CTCF: variants seen among roughly 807,000 people sequenced by gnomAD.
CTCF encodes the protein transcriptional repressor CTCF.
CTCF carries 7 observed loss-of-function variants against 72.3 expected under a neutral mutation model. The observed-to-expected ratio is 0.10, with a 90% CI of 0.06 to 0.18. The LOEUF (loss-of-function observed/expected upper bound fraction) is 0.18. Ranked by LOEUF, CTCF falls within the 10% of genes least tolerant of loss-of-function variation. The pLI is 1.00. For missense variants in CTCF, 516 were observed against 949.1 expected, an observed-to-expected ratio of 0.54 and a Z score of 6.00; for synonymous variants, 374 against 315.8, an observed-to-expected ratio of 1.18 and a Z score of -1.95.
rs1414455390 is a variant in CTCF at position 67,637,807 on chromosome 16, G to A, written c.2119G>A (p.Ala707Thr). The change falls in exon 12 of 12, where the codon GCT becomes ACT. Residue 707 changes from alanine to threonine, a missense_variant. By Grantham distance (58) the Ala-to-Thr change is moderately conservative. Transcript: ENST00000264010. ...GGGAGAGGAAGAGGAGGCCCAGCCA[G>A]CTGCCACAGATGCCCCCAACGGAGA... ...AEGEEEEAQP[A>T]ATDAPNGDLT... 1.2e-6 allele frequency: 2 copies of A among 1,612,922 alleles called. No homozygotes were observed. Among genetic ancestry groups the A allele is most frequent in the Non-Finnish European group, 1.7e-6 (2 of 1,180,040 alleles).
At chr16:67,581,019 C>T (rs924469886) in intron 2 of CTCF, among the ~76,000 whole-genome samples, 1 of 152,134 alleles carries the variant, frequency 6.6e-6, no homozygotes, top group African/African-American at 2.4e-5. Context: ...AGCTCCACCT[C>T]CCGGGTTCAC....
intron 2 of CTCF, among the ~76,000 whole-genome samples, chr16:67,578,251 G>A (rs1286406345): frequency 6.6e-6 from 1 of 151,352 alleles, no homozygotes; most frequent in East Asian, 1.9e-4. Context: ...TTCCTCAGAG[G>A]CAATAAATAC....
intron 1 of CTCF, chr16:67,568,202 C>T (rs761960835): frequency 4.6e-5 from 7 of 151,710 alleles, no homozygotes; most frequent in Admixed American, 2.0e-4. Context: ...GCTTCAGCCT[C>T]GGGAGTAGTT....
intron 11 of CTCF, among the ~76,000 whole-genome samples, chr16:67,637,286 C>T (rs1259399966): frequency 6.6e-6 from 1 of 152,236 alleles, no homozygotes; most frequent in Admixed American, 6.5e-5. Flanking sequence ...GATCCCAGCA[C>T]TTTGGGGGGC....
chr16:67,573,652 TTTG>T (rs2051455758), intron 2 of CTCF, among the ~76,000 whole-genome samples: 1 of 152,176 alleles, frequency 6.6e-6, no homozygotes, highest in Admixed American at 6.6e-5. Flanking sequence ...TGCTCCTTAC[TTTG>T]TCCTTGTAGT....
chr16:67,619,595 G>A (rs2052176107), intron 5 of CTCF, among the ~76,000 whole-genome samples: 1 of 152,074 alleles, frequency 6.6e-6, no homozygotes. Flanking sequence ...GGGGGTGCGT[G>A]GCAGACAGGG....
chr16:67,636,669 G>C (rs1340761229), intron 10 of CTCF, 21 bp from the exon 11 acceptor site: 2 of 1,573,032 alleles, frequency 1.3e-6, no homozygotes, highest in Admixed American at 3.5e-5. Context: ...CACCACCTGT[G>C]CTTCCTGATT....
chr16:67,622,310 C>A (rs2052211455), intron 7 of CTCF, among the ~76,000 whole-genome samples: 1 of 151,396 alleles, frequency 6.6e-6, no homozygotes. Context: ...GAGCAGAGAT[C>A]ACGCCACCGC....
At chr16:67,631,165 G>GTTTTTTTTTTTTTTTTTTTTT (rs931210083) in intron 10 of CTCF, among the ~76,000 whole-genome samples, 1 of 131,128 alleles carries the variant, frequency 7.6e-6, no homozygotes, top group Non-Finnish European at 1.6e-5. Flanking sequence ...TTTTTTTTTT[G>GTTTTTTTTTTTTTTTTTTTTT]TTTTTTGTTT....
At chr16:67,573,898 G>C (rs900989905) in intron 2 of CTCF, among the ~76,000 whole-genome samples, 1 of 152,064 alleles carries the variant, frequency 6.6e-6, no homozygotes, top group Non-Finnish European at 1.5e-5. Context: ...GGGCGTTGTG[G>C]TGCGTGCCTG....
intron 2 of CTCF, among the ~76,000 whole-genome samples, chr16:67,579,223 A>T (rs8051135): frequency 0.036 from 5,513 of 152,222 alleles, 328 homozygotes; most frequent in African/African-American, 0.12. Flanking sequence ...ATTGCACTCC[A>T]GCCTGGGCAA....
intron 10 of CTCF, 108 bp downstream of exon 10, chr16:67,629,641 C>T (rs2052335851): frequency 9.2e-7 from 1 of 1,086,788 alleles, no homozygotes; most frequent in Non-Finnish European, 1.3e-6. Context: ...ACACACTCTT[C>T]CTTTCTTTAA....
intron 7 of CTCF, among the ~76,000 whole-genome samples, 171 bp downstream of exon 7, chr16:67,621,762 T>C (rs530099887): frequency 0.011 from 1,699 of 151,402 alleles, 20 homozygotes; most frequent in Non-Finnish European, 0.016. Context: ...TTTTTTTTTT[T>C]TTTTTCTATT....
At chr16:67,604,313 A>G (rs1446496908) in intron 2 of CTCF, among the ~76,000 whole-genome samples, 1 of 152,044 alleles carries the variant, frequency 6.6e-6, no homozygotes, top group East Asian at 1.9e-4. Context: ...TGTCTCAAGC[A>G]TAACAATTTT....
At position 67,603,927 on chromosome 16, in the gene CTCF, G is replaced by A. The variant is rs530063363; in HGVS notation, c.-9-6897G>A. Among the ~76,000 whole-genome samples, 14 of 151,244 alleles carry A rather than the reference G, an allele frequency of 9.3e-5. No individual in the cohort carries two copies. In the South Asian group the frequency reaches 1.0e-3, roughly 11 times the overall value. ...GCAGATGACTTGAGCCCAGGAGTTC[G>A]AGACCAGTCTGTGCAACATGGTGAA... On this transcript the variant is annotated intron_variant, in intron 2 of 11. Coordinates refer to ENST00000264010, the MANE Select transcript of CTCF (RefSeq NM_006565.4).
At chr16:67,636,419 G>A (rs369351880) in intron 10 of CTCF, among the ~76,000 whole-genome samples, 1 of 148,460 alleles carries the variant, frequency 6.7e-6, no homozygotes, top group African/African-American at 2.5e-5. Context: ...ATGGTGGTGC[G>A]TGCCTGTAGT....
chr16:67,576,781 C>T (rs1597682083), intron 2 of CTCF, among the ~76,000 whole-genome samples: 1 of 152,088 alleles, frequency 6.6e-6, no homozygotes, highest in African/African-American at 2.4e-5. Flanking sequence ...CCGCCTGCCT[C>T]TGCCTCCGAA....
chr16:67,582,421 G>A (rs2051595622), intron 2 of CTCF, among the ~76,000 whole-genome samples: 1 of 151,130 alleles, frequency 6.6e-6, no homozygotes, highest in African/African-American at 2.4e-5. Flanking sequence ...GGCCAGGCAG[G>A]GTGGCTCATG....
At chr16:67,636,953 G>A (rs2052439527) in intron 11 of CTCF, 102 bp downstream of exon 11, 9 of 1,130,740 alleles carry the variant, frequency 8.0e-6, no homozygotes, top group Non-Finnish European at 1.1e-5. Context: ...TAAGCCATGA[G>A]AACAAGTTAA....
Sources: gnomAD v4.1 joint callset for allele counts (sites outside exome capture counted in the v4.1 genomes callset) on GRCh38, gnomAD v4.1.1 for gene constraint, MANE v1.5 for transcripts, NCBI Gene and HGNC (gene_info 2026-07-23, HGNC 2026-07-21) for gene names.